SLC35G2: variants seen among roughly 807,000 people sequenced by gnomAD.
SLC35G2 encodes the protein transmembrane protein 22.
A neutral mutation model predicts 27.2 loss-of-function variants in SLC35G2; 20 were observed. The ratio of observed to expected loss-of-function variants is 0.74; its 90% CI spans 0.52 to 1.07. The LOEUF (loss-of-function observed/expected upper bound fraction) is 1.07. SLC35G2 is among the 50% of genes least tolerant of loss of function. SLC35G2 has a pLI of 0.00. For missense variants in SLC35G2, 416 were observed against 493.3 expected, an observed-to-expected ratio of 0.84 and a Z score of 1.48; for synonymous variants, 148 against 165.3, an observed-to-expected ratio of 0.90 and a Z score of 0.80.
chr3:136,828,246 A>G (rs1185427892), intron 1 of SLC35G2, among the ~76,000 whole-genome samples: 2 of 152,234 alleles, frequency 1.3e-5, no homozygotes, highest in Non-Finnish European at 2.9e-5. Context: ...GTAAATATCT[A>G]TTAGGTCCAT....
intron 1 of SLC35G2, among the ~76,000 whole-genome samples, chr3:136,843,612 C>T (rs1937211062): frequency 1.3e-5 from 2 of 151,892 alleles, no homozygotes. Flanking sequence ...CTCCATTGCA[C>T]TCCAGCCTGG....
intron 1 of SLC35G2, among the ~76,000 whole-genome samples, chr3:136,840,517 CCT>C (rs761083912): frequency 5.4e-5 from 8 of 148,430 alleles, no homozygotes; most frequent in African/African-American, 9.9e-5. Flanking sequence ...TCCCTCCCTT[CCT>C]CTCTCTCTCC....
intron 1 of SLC35G2, among the ~76,000 whole-genome samples, chr3:136,822,901 A>T (rs931889700): frequency 1.3e-5 from 2 of 152,064 alleles, no homozygotes; most frequent in African/African-American, 4.8e-5. Context: ...CCATATACTG[A>T]TTTCCTTTCT....
intron 1 of SLC35G2, among the ~76,000 whole-genome samples, chr3:136,833,235 T>C (rs1039577226): frequency 1.3e-5 from 2 of 152,074 alleles, no homozygotes; most frequent in Admixed American, 6.6e-5. Flanking sequence ...GTTCACGTTA[T>C]TGAAATGTTG....
chr3:136,851,341 C>A (rs1441526487), intron 1 of SLC35G2, among the ~76,000 whole-genome samples: 2 of 150,652 alleles, frequency 1.3e-5, no homozygotes, highest in Non-Finnish European at 3.0e-5. Context: ...AAAAAAAATA[C>A]AAAAAATTAG....
intron 1 of SLC35G2, among the ~76,000 whole-genome samples, chr3:136,830,034 C>T (rs1576889378): frequency 6.6e-6 from 1 of 151,372 alleles, no homozygotes; most frequent in East Asian, 1.9e-4. Flanking sequence ...ACTATCTCCT[C>T]TTTAAGGCCA....
At chr3:136,822,903 T>C (rs1482993161) in intron 1 of SLC35G2, among the ~76,000 whole-genome samples, 3 of 152,202 alleles carry the variant, frequency 2.0e-5, no homozygotes, top group East Asian at 3.8e-4. Flanking sequence ...ATATACTGAT[T>C]TCCTTTCTTT....
At chr3:136,848,001 GAGAA>G (rs1174206171) in intron 1 of SLC35G2, among the ~76,000 whole-genome samples, 2 of 152,034 alleles carry the variant, frequency 1.3e-5, no homozygotes, top group Non-Finnish European at 2.9e-5. Context: ...CAAAACAAAA[GAGAA>G]AGAACTGGTT....
intron 1 of SLC35G2, among the ~76,000 whole-genome samples, chr3:136,824,813 A>T (rs1276446505): frequency 6.6e-6 from 1 of 152,126 alleles, no homozygotes. Flanking sequence ...GGTTTGTTAC[A>T]TAGGTATACA....
At chr3:136,845,070 G>A (rs1398641201) in intron 1 of SLC35G2, among the ~76,000 whole-genome samples, 2 of 152,118 alleles carry the variant, frequency 1.3e-5, no homozygotes, top group East Asian at 1.9e-4. Context: ...ACATGGAAAT[G>A]TTTACAATGT....
At chr3:136,830,383 C>T (rs1404613757) in intron 1 of SLC35G2, among the ~76,000 whole-genome samples, 1 of 151,768 alleles carries the variant, frequency 6.6e-6, no homozygotes, top group African/African-American at 2.4e-5. Flanking sequence ...CCCAGGTTCA[C>T]ACCATTCTCC....
chr3:136,825,391 C>G (rs1157265181), intron 1 of SLC35G2, among the ~76,000 whole-genome samples: 1 of 151,940 alleles, frequency 6.6e-6, no homozygotes, highest in Non-Finnish European at 1.5e-5. Flanking sequence ...CAGGCATGCA[C>G]CACCATACCA....
chr3:136,838,162 T>TC (rs1175068547), intron 1 of SLC35G2: 1 of 150,068 alleles, frequency 6.7e-6, no homozygotes, highest in East Asian at 2.0e-4. Context: ...ATGAGGTGAA[T>TC]TACAGTATGT....
At chr3:136,824,309 G>C (rs1296924135) in intron 1 of SLC35G2, among the ~76,000 whole-genome samples, 1 of 151,916 alleles carries the variant, frequency 6.6e-6, no homozygotes, top group Non-Finnish European at 1.5e-5. Flanking sequence ...GATTGCTTTG[G>C]GTAGTATAGA....
intron 1 of SLC35G2, among the ~76,000 whole-genome samples, chr3:136,844,405 C>T (rs1442757766): frequency 1.3e-5 from 2 of 151,246 alleles, no homozygotes; most frequent in South Asian, 4.2e-4. Context: ...AGGAGAATTG[C>T]TTGAACCTGG....
chr3:136,855,135 A>C lies in SLC35G2; in HGVS notation c.675A>C (p.Thr225=), dbSNP rs2108046712. ...AAATGGCTTATGTTGACATGGCTACAGTTGTTTGCAGCATCTTAGGTGTTT... is the reference window on the plus strand; with the variant it reads ...AAATGGCTTATGTTGACATGGCTACCGTTGTTTGCAGCATCTTAGGTGTTT... ...DEKMAYVDMA[T]VVCSILGVCL... The change falls in exon 2 of 2, where the codon ACA becomes ACC. Residue 225 remains threonine (T), a synonymous_variant. Coordinates refer to ENST00000446465, the MANE Select transcript of SLC35G2 (RefSeq NM_025246.3). The C allele has an allele frequency of 6.2e-7, 1 of 1,614,192 alleles. No homozygotes were observed. Among genetic ancestry groups the C allele is most frequent in the Non-Finnish European group, 8.5e-7 (1 of 1,180,034 alleles).
intron 1 of SLC35G2, among the ~76,000 whole-genome samples, chr3:136,851,241 T>A (rs1053720050): frequency 3.9e-5 from 6 of 152,146 alleles, no homozygotes; most frequent in Admixed American, 2.0e-4. Flanking sequence ...ACGCCTGTAA[T>A]CCCAGCACTT....
In SLC35G2 at chr3:136,819,147, G is replaced by C. The variant is rs928838450; in HGVS notation, c.-500G>C. Reference sequence around the variant, plus strand: ...CAGTACTCCGGGCAGCGCCCGCCTCGATTTTCCCAGGCGAGGGCACGCCCG... The same window carrying C: ...CAGTACTCCGGGCAGCGCCCGCCTCCATTTTCCCAGGCGAGGGCACGCCCG... On this transcript the variant is annotated 5_prime_UTR_variant, in exon 1 of 2. Transcript: ENST00000446465. 2 of 152,160 alleles carry C rather than the reference G, an allele frequency of 1.3e-5. No homozygotes were observed. Among genetic ancestry groups the C allele is most frequent in the Admixed American group, 1.3e-4 (2 of 15,286 alleles). The allele number at this position is 152,160 out of a possible 1,614,324, so 9.4% of individuals were successfully genotyped here. A position where few individuals can be genotyped will look rare whatever the true frequency, so the allele number is the denominator to read the frequency against.
chr3:136,844,797 C>CAAAAAAAAAAAAAAAAAAAAAAAAAA (rs58243269), intron 1 of SLC35G2, among the ~76,000 whole-genome samples: 1 of 35,760 alleles, frequency 2.8e-5, no homozygotes, highest in Non-Finnish European at 5.7e-5. Context: ...CTCTCTGTCT[C>CAAAAAAAAAAAAAAAAAAAAAAAAAA]AAAAAAAAAA....
Sources: allele counts gnomAD v4.1 joint callset (sites outside exome capture counted in the v4.1 genomes callset), GRCh38; gene constraint gnomAD v4.1.1; transcripts MANE v1.5; gene names NCBI Gene and HGNC (gene_info 2026-07-23, HGNC 2026-07-21).